The following SHCBP1L variants were observed in gnomAD, a reference collection of about 807,000 sequenced individuals.
SHCBP1L encodes the protein testicular spindle-associated protein SHCBP1L.
In SHCBP1L, 67 loss-of-function variants were observed where a neutral mutation model predicts 62.5. That is an observed-to-expected ratio of 1.07 (90% CI 0.88 to 1.31). The LOEUF is 1.31. Ranked by LOEUF, SHCBP1L falls within the 40% of genes most tolerant of loss-of-function variation. SHCBP1L has a pLI of 0.00. For synonymous variants in SHCBP1L, 284 were observed against 289.4 expected (o/e 0.98, Z 0.19); for missense variants, 823 against 809.8 (o/e 1.02, Z -0.20).
At chr1:182,925,051 A>C (rs920501423) in intron 6 of SHCBP1L, among the ~76,000 whole-genome samples, 27 of 147,936 alleles carry the variant, frequency 1.8e-4, no homozygotes, top group African/African-American at 6.5e-4. Context: ...AAGGGAAGAA[A>C]GGGAAGGAAG....
chr1:182,942,165 T>C, intron 2 of SHCBP1L: 2 of 1,029,066 alleles, frequency 1.9e-6, no homozygotes, highest in Non-Finnish European at 1.5e-6. Flanking sequence ...TCAGTTTTCG[T>C]TTCCCCATTT....
intron 6 of SHCBP1L, among the ~76,000 whole-genome samples, chr1:182,919,799 T>C (rs1261147948): frequency 6.6e-6 from 1 of 152,186 alleles, no homozygotes; most frequent in Non-Finnish European, 1.5e-5. Flanking sequence ...TCCATGTTTC[T>C]TATTGTTACC....
At chr1:182,925,766 AG>A (rs1352540045) in intron 6 of SHCBP1L, among the ~76,000 whole-genome samples, 2 of 152,218 alleles carry the variant, frequency 1.3e-5, no homozygotes, top group Admixed American at 6.5e-5. Context: ...AGATGTTCAC[AG>A]CCCCACTTTC....
rs778459641 is a variant in SHCBP1L, at chr1:182,952,934, C to T, written c.200G>A (p.Arg67Lys). Reference protein sequence around the residue: ...VKGKAGRETARLRLQRLPAAQ... With the variant: ...VKGKAGRETAKLRLQRLPAAQ... ...CGCGGGCAGGCGCTGGAGCCGCAGC[C>T]TGGCCGTCTCCCGGCCCGCTTTCCC... The change falls in exon 1 of 10, where the codon AGG becomes AAG. Residue 67 changes from arginine (R) to lysine (K), a missense_variant. Coordinates refer to ENST00000367547, the MANE Select transcript of SHCBP1L (RefSeq NM_030933.4). The T allele has an allele frequency of 1.3e-6, 2 of 1,555,222 alleles. No individual in the cohort carries two copies. The highest frequency in any genetic ancestry group is 1.8e-4 in the Middle Eastern group (1 of 5,592).
intron 6 of SHCBP1L, among the ~76,000 whole-genome samples, chr1:182,922,168 T>A (rs957226928): frequency 2.0e-5 from 3 of 152,096 alleles, no homozygotes; most frequent in Non-Finnish European, 2.9e-5. Context: ...TAGAAACCTA[T>A]CAGGAGACTT....
intron 6 of SHCBP1L, among the ~76,000 whole-genome samples, chr1:182,909,332 T>A (rs1219031559): frequency 1.3e-5 from 2 of 152,186 alleles, no homozygotes; most frequent in Non-Finnish European, 2.9e-5. Context: ...ACTTATATGA[T>A]AATTTGAGCA....
chr1:182,921,827 G>A (rs1650538252), intron 6 of SHCBP1L, among the ~76,000 whole-genome samples: 1 of 152,146 alleles, frequency 6.6e-6, no homozygotes, highest in South Asian at 2.1e-4. Flanking sequence ...GGCAGAGAAT[G>A]CAGTGAGCTG....
At chr1:182,912,212 T>C (rs1650210740) in intron 6 of SHCBP1L, among the ~76,000 whole-genome samples, 1 of 152,104 alleles carries the variant, frequency 6.6e-6, no homozygotes, top group Non-Finnish European at 1.5e-5. Context: ...GAGGCAGAGG[T>C]GGGAGCATAG....
chr1:182,938,259 C>A lies in SHCBP1L; in HGVS notation c.1076+917G>T, dbSNP rs147933055. On this transcript the variant is annotated intron_variant, in intron 5 of 9. Transcript: ENST00000367547. ...AGTAGCTGGGATTACAGGCATGCACCACCACGCCCGGCTAATTTTGTGTTT... is the reference window on the plus strand; with the variant it reads ...AGTAGCTGGGATTACAGGCATGCACAACCACGCCCGGCTAATTTTGTGTTT... Among the ~76,000 whole-genome samples the A allele has an allele frequency of 4.3e-3, 660 of 152,080 alleles. 6 individuals are homozygous for A. Among genetic ancestry groups the A allele is most frequent in the African/African-American group, 0.015 (630 of 41,484 alleles).
Position 182,953,114 on chromosome 1 carries a change from G to A in SHCBP1L, c.20C>T (p.Ala7Val), listed in dbSNP as rs757188431. 3 of 1,578,196 alleles carry A rather than the reference G, an allele frequency of 1.9e-6. No individual in the cohort carries two copies. Among genetic ancestry groups the A allele is most frequent in the Non-Finnish European group, 1.7e-6 (2 of 1,170,334 alleles). MASGSK[A>V]SVPADSFRTI... Reference sequence around the variant, plus strand: ...GCGGAATGAGTCCGCGGGCACCGAGGCCTTGGAGCCCGACGCCATCTCCTC... The same window carrying A: ...GCGGAATGAGTCCGCGGGCACCGAGACCTTGGAGCCCGACGCCATCTCCTC... The change falls in exon 1 of 10, where the codon GCC becomes GTC. Residue 7 changes from alanine (A) to valine (V), a missense_variant. Ala to Val is a moderately conservative substitution (Grantham distance 64). Coordinates refer to ENST00000367547, the MANE Select transcript of SHCBP1L (RefSeq NM_030933.4).
chr1:182,928,149 G>A (rs983965937), intron 6 of SHCBP1L, among the ~76,000 whole-genome samples: 1 of 151,410 alleles, frequency 6.6e-6, no homozygotes, highest in Non-Finnish European at 1.5e-5. Flanking sequence ...TAGCAGACAA[G>A]ACTATCTAAT....
chr1:182,900,272 T>A, intron 9 of SHCBP1L, 38 bp from the exon 10 acceptor site: 1 of 1,477,388 alleles, frequency 6.8e-7, no homozygotes, highest in Non-Finnish European at 9.1e-7. Context: ...TTTCAATGAT[T>A]TTATTTAAAA....
chr1:182,904,545 G>GTT (rs945456803), intron 7 of SHCBP1L, 115 bp from the exon 8 acceptor site: 20 of 759,740 alleles, frequency 2.6e-5, no homozygotes, highest in Non-Finnish European at 3.9e-5. Flanking sequence ...GTGTGTGTGT[G>GTT]TGTGTGTGTG....
At chr1:182,931,943 ATTTTT>A (rs1164377476) in intron 5 of SHCBP1L, among the ~76,000 whole-genome samples, 202 of 69,660 alleles carry the variant, frequency 2.9e-3, no homozygotes, top group African/African-American at 9.0e-3. Flanking sequence ...GGAACCACTG[ATTTTT>A]TTTTTTTTTT....
At chr1:182,938,871 T>C (rs1480069680) in intron 5 of SHCBP1L, among the ~76,000 whole-genome samples, 1 of 152,220 alleles carries the variant, frequency 6.6e-6, no homozygotes, top group East Asian at 1.9e-4. Context: ...TTGCTTCACA[T>C]ATTATATATA....
intron 6 of SHCBP1L, among the ~76,000 whole-genome samples, chr1:182,906,325 C>G (rs1196882427): frequency 1.3e-5 from 2 of 152,098 alleles, no homozygotes; most frequent in Non-Finnish European, 2.9e-5. Context: ...TGAAGCCAAG[C>G]TTTAGATGCA....
intron 5 of SHCBP1L, among the ~76,000 whole-genome samples, 190 bp downstream of exon 5, chr1:182,938,986 A>C (rs1439120270): frequency 6.6e-6 from 1 of 152,224 alleles, no homozygotes; most frequent in Admixed American, 6.5e-5. Context: ...GTCAAAAAAA[A>C]CAATGATTTC....
chr1:182,940,615 A>G (rs192559153), intron 2 of SHCBP1L, 72 bp from the exon 3 acceptor site: 23 of 1,229,286 alleles, frequency 1.9e-5, no homozygotes, highest in Admixed American at 2.6e-5. Context: ...TCTTTCTCAT[A>G]TATGAGCTCA....
intron 2 of SHCBP1L, among the ~76,000 whole-genome samples, chr1:182,947,604 A>G (rs1651606962): frequency 6.6e-6 from 1 of 152,230 alleles, no homozygotes; most frequent in African/African-American, 2.4e-5. Context: ...TGACAGCAGG[A>G]CCAACTCCTC....
Sources: allele counts gnomAD v4.1 joint callset (sites outside exome capture counted in the v4.1 genomes callset), GRCh38; gene constraint gnomAD v4.1.1; transcripts MANE v1.5; gene names NCBI Gene and HGNC (gene_info 2026-07-23, HGNC 2026-07-21).